Variants in SLC35F4 observed in about 807,000 individuals in gnomAD.
SLC35F4 encodes the protein chromosome 14 open reading frame 36.
SLC35F4 carries 24 observed loss-of-function variants against 44.2 expected under a neutral mutation model. The ratio of observed to expected loss-of-function variants is 0.54; its 90% CI spans 0.39 to 0.76. SLC35F4 has a LOEUF of 0.76. Ranked by LOEUF, SLC35F4 falls within the 30% of genes least tolerant of loss-of-function variation. SLC35F4 has a pLI of 0.00. For missense variants in SLC35F4, 562 were observed against 586.1 expected, an observed-to-expected ratio of 0.96 and a Z score of 0.42; for synonymous variants, 238 against 223.6, an observed-to-expected ratio of 1.06 and a Z score of -0.57.
intron 1 of SLC35F4, among the ~76,000 whole-genome samples, chr14:57,957,015 C>A (rs957479331): frequency 1.3e-5 from 2 of 152,108 alleles, no homozygotes; most frequent in African/African-American, 4.8e-5. Context: ...GCACTGTTCA[C>A]AATAGCTAAG....
At chr14:57,884,276 C>T (rs994682626) in intron 1 of SLC35F4, among the ~76,000 whole-genome samples, 4 of 152,084 alleles carry the variant, frequency 2.6e-5, no homozygotes, top group East Asian at 3.9e-4. Context: ...TTTGGCTTTT[C>T]GTCATATAAG....
intron 1 of SLC35F4, among the ~76,000 whole-genome samples, chr14:57,790,389 C>T (rs1435922465): frequency 1.3e-5 from 2 of 152,054 alleles, no homozygotes; most frequent in Non-Finnish European, 1.5e-5. Context: ...TTCATAATTG[C>T]TGCAAAGAGA....
At chr14:57,754,585 A>G (rs547069379) in intron 1 of SLC35F4, among the ~76,000 whole-genome samples, 1 of 152,282 alleles carries the variant, frequency 6.6e-6, no homozygotes, top group South Asian at 2.1e-4. Context: ...GGCCAGCTTT[A>G]TGAGTGCATG....
intron 1 of SLC35F4, among the ~76,000 whole-genome samples, chr14:57,784,171 T>C (rs1365013650): frequency 6.6e-6 from 1 of 152,166 alleles, no homozygotes; most frequent in African/African-American, 2.4e-5. Context: ...AGGAATTAAC[T>C]GAAGATGACA....
intron 2 of SLC35F4, among the ~76,000 whole-genome samples, chr14:57,590,462 C>T (rs2070103986): frequency 6.6e-6 from 1 of 152,120 alleles, no homozygotes; most frequent in Non-Finnish European, 1.5e-5. Context: ...CCTGACTACA[C>T]AGTCATTTCC....
chr14:57,797,679 A>G (rs1171264440), intron 1 of SLC35F4, among the ~76,000 whole-genome samples: 3 of 152,208 alleles, frequency 2.0e-5, no homozygotes, highest in Non-Finnish European at 4.4e-5. Flanking sequence ...AATGCACAGA[A>G]AAGACCAGAT....
At chr14:57,733,032 GA>G (rs888175079) in intron 1 of SLC35F4, among the ~76,000 whole-genome samples, 6 of 150,264 alleles carry the variant, frequency 4.0e-5, no homozygotes, top group South Asian at 4.2e-4. Flanking sequence ...GTGTAAATAT[GA>G]AAAAAAAACC....
intron 1 of SLC35F4, among the ~76,000 whole-genome samples, chr14:57,648,473 A>AT (rs2073640446): frequency 6.6e-6 from 1 of 152,180 alleles, no homozygotes; most frequent in South Asian, 2.1e-4. Flanking sequence ...GTTTATTGCC[A>AT]TTTTTTTCTT....
chr14:57,620,761 C>G (rs1390308025), intron 1 of SLC35F4, among the ~76,000 whole-genome samples: 2 of 152,184 alleles, frequency 1.3e-5, no homozygotes, highest in Admixed American at 1.3e-4. Context: ...AAAGGCAAGA[C>G]AGGGATGCCC....
At chr14:57,928,455 C>A (rs1253776448) in intron 1 of SLC35F4, among the ~76,000 whole-genome samples, 2 of 152,222 alleles carry the variant, frequency 1.3e-5, no homozygotes, top group Non-Finnish European at 2.9e-5. Context: ...GGAACTCCCA[C>A]ACCCACCCAA....
intron 1 of SLC35F4, among the ~76,000 whole-genome samples, chr14:57,714,021 CA>C (rs1259404779): frequency 6.6e-6 from 1 of 152,038 alleles, no homozygotes; most frequent in Non-Finnish European, 1.5e-5. Context: ...ACCCAGAAAG[CA>C]AAAAATACTT....
At chr14:57,761,987 A>C (rs182221920) in intron 1 of SLC35F4, among the ~76,000 whole-genome samples, 34 of 152,310 alleles carry the variant, frequency 2.2e-4, no homozygotes, top group Admixed American at 2.0e-3. Context: ...GGCTGAAAAC[A>C]AGGAATTTGG....
chr14:57,922,297 A>G (rs1264266101), intron 1 of SLC35F4, among the ~76,000 whole-genome samples: 34 of 152,210 alleles, frequency 2.2e-4, no homozygotes, highest in Admixed American at 2.2e-3. Flanking sequence ...AGCAGAATCC[A>G]TCTGAGATAG....
chr14:57,755,671 T>C (rs1275231836), intron 1 of SLC35F4, among the ~76,000 whole-genome samples: 1 of 152,224 alleles, frequency 6.6e-6, no homozygotes, highest in East Asian at 1.9e-4. Context: ...ATCCCCAAGC[T>C]ATAATTTAAT....
At chr14:57,887,782 T>C (rs1888680953) in intron 1 of SLC35F4, among the ~76,000 whole-genome samples, 2 of 152,202 alleles carry the variant, frequency 1.3e-5, no homozygotes, top group Non-Finnish European at 2.9e-5. Context: ...CTGGGCATTA[T>C]TCTCAAGAGG....
chr14:57,749,355 A>G lies in SLC35F4; in HGVS notation c.103+116368T>C, dbSNP rs992075256. On this transcript the variant is annotated intron_variant, in intron 1 of 7. Transcript: ENST00000556826. ...GGAGTAACCATTCAGAAACTTTCATAGCAATTTGACATTAATGTGACATCC... is the reference window on the plus strand; with the variant it reads ...GGAGTAACCATTCAGAAACTTTCATGGCAATTTGACATTAATGTGACATCC... Among the ~76,000 whole-genome samples the G allele has an allele frequency of 1.3e-5, 2 of 152,146 alleles. 1 individual carries two copies. Among genetic ancestry groups the G allele is most frequent in the Non-Finnish European group, 2.9e-5 (2 of 68,014 alleles).
intron 1 of SLC35F4, among the ~76,000 whole-genome samples, chr14:57,881,597 G>A (rs1195916407): frequency 6.6e-6 from 1 of 152,066 alleles, no homozygotes; most frequent in Non-Finnish European, 1.5e-5. Flanking sequence ...AAGAAAACAA[G>A]CCCAATAGAG....
intron 1 of SLC35F4, among the ~76,000 whole-genome samples, chr14:57,621,336 C>G (rs1243199680): frequency 6.6e-6 from 1 of 151,320 alleles, no homozygotes; most frequent in Non-Finnish European, 1.5e-5. Context: ...TCATATGGAA[C>G]CAAAAAAGAG....
At chr14:57,695,958 T>TA (rs1205245434) in intron 1 of SLC35F4, among the ~76,000 whole-genome samples, 4 of 152,142 alleles carry the variant, frequency 2.6e-5, no homozygotes, top group Admixed American at 6.6e-5. Context: ...GACTTAAATG[T>TA]AAAACCTAAA....
Sources: gnomAD v4.1 joint callset for allele counts (sites outside exome capture counted in the v4.1 genomes callset) on GRCh38, gnomAD v4.1.1 for gene constraint, MANE v1.5 for transcripts, NCBI Gene and HGNC (gene_info 2026-07-23, HGNC 2026-07-21) for gene names.